The following PARN variants were observed in gnomAD, a reference collection of about 807,000 sequenced individuals.
PARN encodes poly(A)-specific ribonuclease PARN.
In PARN, 71 loss-of-function variants were observed where a neutral mutation model predicts 102.8. The ratio of observed to expected loss-of-function variants is 0.69; its 90% CI spans 0.57 to 0.84. PARN has a LOEUF of 0.84. Ranked by LOEUF, PARN falls within the 40% of genes least tolerant of loss-of-function variation. The pLI, the probability that PARN is intolerant of heterozygous loss-of-function variation, is 0.00. For missense variants in PARN, 782 were observed against 760.9 expected (o/e 1.03, Z -0.33); for synonymous variants, 261 against 252.9 (o/e 1.03, Z -0.30).
chr16:14,620,742 G>C (rs1972243769), intron 5 of PARN, among the ~76,000 whole-genome samples: 1 of 152,100 alleles, frequency 6.6e-6, no homozygotes, highest in Non-Finnish European at 1.5e-5. Context: ...TCTATTCTGG[G>C]GAAAGCTATA....
At chr16:14,510,105 C>T (rs1303420387) in intron 21 of PARN, among the ~76,000 whole-genome samples, 2 of 152,198 alleles carry the variant, frequency 1.3e-5, no homozygotes, top group East Asian at 1.9e-4. Context: ...CTGTCCTCTA[C>T]TGGGTGTTGC....
chr16:14,611,356 T>G (rs774749171), intron 6 of PARN, among the ~76,000 whole-genome samples: 4 of 152,194 alleles, frequency 2.6e-5, no homozygotes, highest in African/African-American at 4.8e-5. Flanking sequence ...CAGGCCAGTG[T>G]AAGAAATGTA....
chr16:14,555,678 A>C lies in PARN; in HGVS notation c.1294T>G (p.Tyr432Asp). Residue 432 changes from tyrosine (Y) to aspartate (D), a missense_variant, in exon 19 of 24, where the codon TAT (tyrosine) becomes GAT (aspartate). By Grantham distance (160) the Tyr-to-Asp change is radical (BLOSUM62 -3). Transcript: ENST00000437198. The stretch of plus-strand genomic sequence containing the variant: ...CAGTCTGGTCCTTCCAAGTTTAGAT[A>C]GGGGATATCCATGACCCTCATAAGA... ...LFLMRVMDIP[Y>D]LNLEGPDLQP... 6.7e-7 allele frequency: 1 copy of C among 1,483,844 alleles called. No individual in the cohort carries two copies. Among genetic ancestry groups the C allele is most frequent in the Non-Finnish European group, 9.2e-7 (1 of 1,090,054 alleles). 91.9% of individuals were successfully genotyped at this position (1,483,844 alleles called of 1,614,324 possible). A position where few individuals can be genotyped will look rare whatever the true frequency, so the allele number is the denominator to read the frequency against.
intron 12 of PARN, among the ~76,000 whole-genome samples, chr16:14,599,037 C>CT (rs71150194): frequency 0.26 from 21,047 of 81,502 alleles, 2,069 homozygotes; most frequent in Non-Finnish European, 0.29. Flanking sequence ...TTCTCCTCTT[C>CT]TTTTTTTTTT....
intron 22 of PARN, among the ~76,000 whole-genome samples, chr16:14,453,584 C>T (rs1344570563): frequency 6.6e-6 from 1 of 152,204 alleles, no homozygotes; most frequent in Non-Finnish European, 1.5e-5. Flanking sequence ...AAAGATTCCT[C>T]GTGTCACTCT....
intron 5 of PARN, among the ~76,000 whole-genome samples, chr16:14,620,322 A>G (rs1020259519): frequency 1.3e-5 from 2 of 152,176 alleles, no homozygotes; most frequent in African/African-American, 4.8e-5. Context: ...GCTTGCAGTG[A>G]GCTGAGTTTG....
In PARN at chr16:14,580,892, A is replaced by G. The variant is rs1969492179; in HGVS notation, c.1244T>C (p.Ile415Thr). 3.7e-6 allele frequency: 6 copies of G among 1,607,484 alleles called. No homozygotes were observed. The highest frequency in any genetic ancestry group is 4.3e-6 in the Non-Finnish European group (5 of 1,174,344). The change falls in exon 18 of 24, where the codon ATT becomes ACT. Residue 415 changes from isoleucine (I) to threonine (T), a missense_variant. Coordinates refer to ENST00000437198, the MANE Select transcript of PARN (RefSeq NM_002582.4). ...KIHVSARSKL[I>T]EPFFNKLFLM... ...TACTTACTTGTTAAAAAAAGGTTCA[A>G]TGAGTTTTGATCTGGCAGACACATG... is the stretch of plus-strand genomic sequence containing the variant.
chr16:14,492,660 G>A (rs1964120785), intron 21 of PARN, among the ~76,000 whole-genome samples: 1 of 152,166 alleles, frequency 6.6e-6, no homozygotes, highest in African/African-American at 2.4e-5. Flanking sequence ...CTGTTCCCAT[G>A]TGTCACTTCA....
At chr16:14,452,702 G>A (rs1961517882) in intron 22 of PARN, among the ~76,000 whole-genome samples, 1 of 152,208 alleles carries the variant, frequency 6.6e-6, no homozygotes, top group Non-Finnish European at 1.5e-5. Context: ...CTTCCTAGGA[G>A]AGGCTAATGG....
chr16:14,628,844 C>A (rs1353940639), intron 2 of PARN, among the ~76,000 whole-genome samples: 1 of 152,048 alleles, frequency 6.6e-6, no homozygotes, highest in East Asian at 1.9e-4. Flanking sequence ...GGGAGTGAAC[C>A]GTTCATATTG....
At chr16:14,523,837 G>A (rs1965861721) in intron 21 of PARN, among the ~76,000 whole-genome samples, 1 of 151,940 alleles carries the variant, frequency 6.6e-6, no homozygotes, top group Non-Finnish European at 1.5e-5. Context: ...CCTAATGAAG[G>A]GGTATGTTCT....
chr16:14,459,973 T>C (rs1468075707), intron 22 of PARN, among the ~76,000 whole-genome samples: 5 of 152,188 alleles, frequency 3.3e-5, no homozygotes, highest in African/African-American at 7.2e-5. Context: ...CATAACCGTA[T>C]ATAAAAATTA....
At chr16:14,464,874 T>C (rs868587924) in intron 22 of PARN, among the ~76,000 whole-genome samples, 1 of 151,836 alleles carries the variant, frequency 6.6e-6, no homozygotes, top group African/African-American at 2.4e-5. Context: ...CTGGGCAACA[T>C]AGTGATACCT....
chr16:14,572,775 T>C (rs1968887606), intron 18 of PARN, among the ~76,000 whole-genome samples: 1 of 152,246 alleles, frequency 6.6e-6, no homozygotes, highest in African/African-American at 2.4e-5. Context: ...TGCACTCCAA[T>C]TTTATGTCCA....
chr16:14,465,741 G>A (rs778180480), intron 22 of PARN, among the ~76,000 whole-genome samples: 1 of 152,180 alleles, frequency 6.6e-6, no homozygotes, highest in African/African-American at 2.4e-5. Context: ...GAACAAAGTT[G>A]GAGGAAGGCT....
intron 21 of PARN, among the ~76,000 whole-genome samples, chr16:14,523,874 A>AT (rs1422767589): frequency 2.6e-5 from 4 of 152,054 alleles, no homozygotes; most frequent in African/African-American, 9.7e-5. Flanking sequence ...TGTGAACACC[A>AT]TAGGGAGCAC....
chr16:14,538,172 T>G (rs919465700), intron 21 of PARN, among the ~76,000 whole-genome samples: 1 of 151,854 alleles, frequency 6.6e-6, no homozygotes, highest in Non-Finnish European at 1.5e-5. Flanking sequence ...TACTAGGTTG[T>G]AAGATCATGG....
intron 14 of PARN, among the ~76,000 whole-genome samples, chr16:14,585,980 C>CTTTTTTTT (rs772896503): frequency 2.4e-5 from 3 of 127,236 alleles, no homozygotes; most frequent in Non-Finnish European, 1.7e-5. Flanking sequence ...CACAATGACT[C>CTTTTTTTT]TTTTTTTTTT....
rs1466563002 is a variant in PARN at position 14,534,846 on chromosome 16, T to TC, written c.1480+17174_1480+17175insG. On this transcript the variant is annotated intron_variant, in intron 21 of 23. Transcript: ENST00000437198. ...TTTCATTTCTAAATTTTTTTTTTTT[T>TC]TTTTGGAGACAGAATTTCACTCTTG... Among the ~76,000 whole-genome samples, 5 of 151,984 alleles carry TC rather than the reference T, an allele frequency of 3.3e-5. No homozygotes were observed. In the South Asian group the frequency reaches 1.0e-3, roughly 32 times the overall value.
Sources: allele counts gnomAD v4.1 joint callset (sites outside exome capture counted in the v4.1 genomes callset), GRCh38; gene constraint gnomAD v4.1.1; transcripts MANE v1.5; gene names NCBI Gene and HGNC (gene_info 2026-07-23, HGNC 2026-07-21).